KCNMA1: variants seen among roughly 807,000 people sequenced by gnomAD.
KCNMA1 encodes potassium calcium-activated channel subfamily M alpha 1.
KCNMA1 carries 29 observed loss-of-function variants against 140.0 expected under a neutral mutation model. The observed-to-expected ratio is 0.21, with a 90% CI of 0.15 to 0.28. The LOEUF is 0.28. KCNMA1 is among the 10% of genes least tolerant of loss of function. The pLI is 1.00. For synonymous variants in KCNMA1, 612 were observed against 611.9 expected (o/e 1.00, Z 0.00); for missense variants, 880 against 1,602.2 (o/e 0.55, Z 7.70).
intron 5 of KCNMA1, among the ~76,000 whole-genome samples, chr10:77,139,671 A>C (rs1169970449): frequency 1.3e-5 from 2 of 152,222 alleles, no homozygotes; most frequent in East Asian, 3.8e-4. Context: ...TTTTATGGCC[A>C]GAAATGTACA....
intron 2 of KCNMA1, among the ~76,000 whole-genome samples, chr10:77,396,207 T>C (rs1394501116): frequency 6.6e-6 from 1 of 152,202 alleles, no homozygotes; most frequent in Non-Finnish European, 1.5e-5. Flanking sequence ...AAAAGTACAG[T>C]CCTGTGAAAC....
chr10:77,331,557 C>A (rs1043455716), intron 2 of KCNMA1, among the ~76,000 whole-genome samples: 2 of 151,980 alleles, frequency 1.3e-5, no homozygotes, highest in Non-Finnish European at 2.9e-5. Context: ...GTGGCTCACA[C>A]CTGTAATCCC....
intron 2 of KCNMA1, among the ~76,000 whole-genome samples, chr10:77,264,435 T>C (rs193286801): frequency 3.9e-5 from 6 of 152,334 alleles, no homozygotes; most frequent in Non-Finnish European, 5.9e-5. Context: ...AAATGGAGTC[T>C]GTCTGTAGAA....
At chr10:77,469,514 T>C (rs2098107653) in intron 1 of KCNMA1, among the ~76,000 whole-genome samples, 2 of 152,262 alleles carry the variant, frequency 1.3e-5, no homozygotes, top group South Asian at 4.2e-4. Context: ...GCAAGCTTAC[T>C]GGGGGTCCTG....
chr10:77,357,459 G>A (rs541420289), intron 2 of KCNMA1, among the ~76,000 whole-genome samples: 1 of 152,326 alleles, frequency 6.6e-6, no homozygotes, highest in East Asian at 1.9e-4. Context: ...AGGGAGAGAT[G>A]ATTAATTTAG....
At chr10:77,498,540 T>G (rs1447588244) in intron 1 of KCNMA1, 1 of 152,182 alleles carries the variant, frequency 6.6e-6, no homozygotes, top group Admixed American at 6.5e-5. Context: ...TATCACAGGA[T>G]TAAGTTCCCC....
chr10:77,613,259 C>G (rs539400301), intron 1 of KCNMA1, among the ~76,000 whole-genome samples: 2 of 152,204 alleles, frequency 1.3e-5, no homozygotes, highest in East Asian at 3.8e-4. Context: ...AACCTTCCCC[C>G]ACAACCTTCC....
At chr10:77,558,263 C>G (rs954672511) in intron 1 of KCNMA1, among the ~76,000 whole-genome samples, 3 of 152,110 alleles carry the variant, frequency 2.0e-5, no homozygotes, top group African/African-American at 7.2e-5. Context: ...GGACATGCCT[C>G]GTGAATCAGG....
At chr10:77,282,062 G>C (rs192822340) in intron 2 of KCNMA1, among the ~76,000 whole-genome samples, 32 of 152,208 alleles carry the variant, frequency 2.1e-4, no homozygotes, top group African/African-American at 5.8e-4. Flanking sequence ...TTACTGACTG[G>C]TTCTGCCACG....
intron 2 of KCNMA1, among the ~76,000 whole-genome samples, chr10:77,355,914 C>T (rs757726454): frequency 8.5e-5 from 13 of 152,188 alleles, no homozygotes; most frequent in South Asian, 2.1e-4. Flanking sequence ...AGAAAACTCA[C>T]GCATTACTCA....
At chr10:77,008,113 TAA>T (rs1470721770) in intron 18 of KCNMA1, 9 of 1,414,492 alleles carry the variant, frequency 6.4e-6, no homozygotes, top group Non-Finnish European at 7.7e-6. Flanking sequence ...TACAGAAAAT[TAA>T]AAGAGTATCT....
At chr10:77,567,861 G>A (rs1296875441) in intron 1 of KCNMA1, among the ~76,000 whole-genome samples, 1 of 152,196 alleles carries the variant, frequency 6.6e-6, no homozygotes, top group Non-Finnish European at 1.5e-5. Context: ...GGAGGCCAAG[G>A]CAAGTGGACT....
chr10:77,596,191 G>A (rs1438135684), intron 1 of KCNMA1, among the ~76,000 whole-genome samples: 6 of 152,116 alleles, frequency 3.9e-5, no homozygotes, highest in Admixed American at 3.9e-4. Flanking sequence ...GCAAGATCTC[G>A]AATTGCCGAA....
chr10:77,020,734 T>G (rs938010172), intron 16 of KCNMA1: 3 of 152,218 alleles, frequency 2.0e-5, no homozygotes, highest in Non-Finnish European at 2.9e-5. Context: ...CAATTCAGTA[T>G]GATGTTTTAG....
rs1485176204 is a variant in KCNMA1 at position 77,637,571 on chromosome 10, T to C, written c.72A>G (p.Arg24=). ...GGGGGGGSSL[R]MSSNIHANHL... ...GGTTCGCGTGGATATTGCTACTCAT[T>C]CTAAGACTGCTGCCTCCGCCGCCGC... The change falls in exon 1 of 28, where the codon AGA becomes AGG. Residue 24 remains arginine (R), a synonymous_variant. Transcript: ENST00000286628. 1.2e-5 allele frequency: 19 copies of C among 1,538,196 alleles called. No individual in the cohort carries two copies. The highest frequency in any genetic ancestry group is 1.5e-5 in the Non-Finnish European group (17 of 1,143,932).
intron 6 of KCNMA1, among the ~76,000 whole-genome samples, chr10:77,113,139 C>G (rs562339579): frequency 1.1e-4 from 16 of 152,218 alleles, no homozygotes; most frequent in African/African-American, 3.9e-4. Context: ...TTAAATCCAA[C>G]TGTCAGGAAA....
intron 9 of KCNMA1, among the ~76,000 whole-genome samples, chr10:77,095,845 T>C (rs769984510): frequency 6.6e-6 from 1 of 152,030 alleles, no homozygotes; most frequent in Admixed American, 6.6e-5. Context: ...CTAGGGGAAG[T>C]GACTTAAGGC....
At chr10:77,132,569 G>C (rs1352655937) in intron 5 of KCNMA1, among the ~76,000 whole-genome samples, 8 of 147,970 alleles carry the variant, frequency 5.4e-5, no homozygotes, top group African/African-American at 2.0e-4. Context: ...CTGTTGCCCA[G>C]GCTGGAGTGC....
intron 2 of KCNMA1, among the ~76,000 whole-genome samples, chr10:77,311,252 C>G (rs1052825460): frequency 2.6e-5 from 4 of 152,194 alleles, no homozygotes; most frequent in Admixed American, 6.5e-5. Flanking sequence ...AGCTTTCTCC[C>G]CTGGCAAATA....
Sources: gnomAD v4.1 joint callset for allele counts (sites outside exome capture counted in the v4.1 genomes callset) on GRCh38, gnomAD v4.1.1 for gene constraint, MANE v1.5 for transcripts, NCBI Gene and HGNC (gene_info 2026-07-23, HGNC 2026-07-21) for gene names.